Variants in GRIN2A observed in about 807,000 individuals in gnomAD.
The protein encoded by GRIN2A is glutamate receptor ionotropic, NMDA 2A.
GRIN2A carries 22 observed loss-of-function variants against 113.4 expected under a neutral mutation model. The ratio of observed to expected loss-of-function variants is 0.19; its 90% CI spans 0.14 to 0.28. The LOEUF (loss-of-function observed/expected upper bound fraction) is 0.28. Ranked by LOEUF, GRIN2A falls within the 10% of genes least tolerant of loss-of-function variation. The probability of loss-of-function intolerance (pLI) is 1.00; values close to 1 mark genes in which losing one functional copy is unlikely to be tolerated. For synonymous variants in GRIN2A, 827 were observed against 738.4 expected, an observed-to-expected ratio of 1.12 and a Z score of -1.94; for missense variants, 1,502 against 1,887.0, an observed-to-expected ratio of 0.80 and a Z score of 3.78.
intron 2 of GRIN2A, among the ~76,000 whole-genome samples, chr16:10,149,941 C>T (rs909987662): frequency 2.0e-5 from 3 of 152,138 alleles, no homozygotes; most frequent in Admixed American, 1.3e-4. Context: ...GTACAGATCT[C>T]GAACCAGAAC....
intron 8 of GRIN2A, among the ~76,000 whole-genome samples, chr16:9,830,059 C>T (rs1341264638): frequency 6.6e-6 from 1 of 152,180 alleles, no homozygotes; most frequent in Admixed American, 6.5e-5. Context: ...GATGTGCTAT[C>T]GTATAAGAAC....
intron 11 of GRIN2A, among the ~76,000 whole-genome samples, chr16:9,793,068 T>A (rs913106762): frequency 6.6e-6 from 1 of 152,222 alleles, no homozygotes; most frequent in African/African-American, 2.4e-5. Flanking sequence ...TTGCTCATGG[T>A]AAAGCTGAAT....
chr16:10,072,775 C>A (rs1197393546), intron 2 of GRIN2A, among the ~76,000 whole-genome samples: 94 of 151,282 alleles, frequency 6.2e-4, no homozygotes, highest in Non-Finnish European at 5.9e-5. Context: ...TCCCAGGAAT[C>A]CACATATTTA....
intron 2 of GRIN2A, among the ~76,000 whole-genome samples, chr16:10,104,133 A>C (rs2048450290): frequency 6.6e-6 from 1 of 152,218 alleles, no homozygotes; most frequent in Non-Finnish European, 1.5e-5. Flanking sequence ...TTTTTTCTCT[A>C]GGACTAAATA....
intron 2 of GRIN2A, among the ~76,000 whole-genome samples, chr16:10,094,395 G>C (rs532119453): frequency 1.1e-4 from 17 of 152,088 alleles, no homozygotes; most frequent in African/African-American, 3.9e-4. Flanking sequence ...TACATGAGGG[G>C]ATTTTTTTAG....
chr16:10,127,908 G>T (rs534032220), intron 2 of GRIN2A, among the ~76,000 whole-genome samples: 1 of 60,122 alleles, frequency 1.7e-5, no homozygotes, highest in African/African-American at 4.3e-5. Context: ...TTTTTTGCTT[G>T]TGGGGGCCTT....
intron 3 of GRIN2A, among the ~76,000 whole-genome samples, chr16:9,901,973 T>C (rs1281566707): frequency 6.6e-6 from 1 of 152,280 alleles, no homozygotes; most frequent in Non-Finnish European, 1.5e-5. Flanking sequence ...GTGTGCCAGA[T>C]ACTTTCCATA....
intron 2 of GRIN2A, among the ~76,000 whole-genome samples, chr16:10,028,140 G>A (rs1244623432): frequency 6.6e-6 from 1 of 152,230 alleles, no homozygotes; most frequent in African/African-American, 2.4e-5. Flanking sequence ...GTGTTGAGCA[G>A]TAAATAATAT....
intron 2 of GRIN2A, among the ~76,000 whole-genome samples, chr16:10,009,112 G>A (rs10500370): frequency 0.19 from 28,269 of 152,134 alleles, 2,931 homozygotes; most frequent in East Asian, 0.35. Flanking sequence ...CAATTTGCTG[G>A]TAAGTGACCA....
At chr16:10,159,562 G>C (rs2049770645) in intron 2 of GRIN2A, among the ~76,000 whole-genome samples, 1 of 152,172 alleles carries the variant, frequency 6.6e-6, no homozygotes, top group Non-Finnish European at 1.5e-5. Flanking sequence ...TCATCAATGA[G>C]GCTGGAGTGA....
At chr16:10,115,353 T>C (rs1204145894) in intron 2 of GRIN2A, among the ~76,000 whole-genome samples, 1 of 152,148 alleles carries the variant, frequency 6.6e-6, no homozygotes, top group African/African-American at 2.4e-5. Context: ...ATCAACATAG[T>C]ATTTGTATGT....
chr16:10,058,542 G>C (rs985934319), intron 2 of GRIN2A, among the ~76,000 whole-genome samples: 2 of 152,056 alleles, frequency 1.3e-5, no homozygotes, highest in African/African-American at 4.8e-5. Context: ...ATTTCTCTTG[G>C]TGAAAAAAAA....
rs187963027 is a variant in GRIN2A, at chr16:10,022,068, C to G, written c.415-83517G>C. 1.4e-3 allele frequency among the ~76,000 whole-genome samples: 218 copies of G among 152,008 alleles called. 1 individual carries two copies. The highest frequency in any genetic ancestry group is 1.0e-3 in the Non-Finnish European group (70 of 67,950). ...CCCACCTTGACACCTCTAGAAATCT[C>G]TTCCCTCTGTCTAGAATGTCTTTCC... On this transcript the variant is annotated intron_variant, in intron 2 of 12. Transcript: ENST00000330684.
Position 9,994,209 on chromosome 16 carries a change from G to A in GRIN2A, c.415-55658C>T, listed in dbSNP as rs76304881. On this transcript the variant is annotated intron_variant, in intron 2 of 12. Transcript: ENST00000330684. ...GGCTCATTTTTCCAATTTCCAACGC[G>A]AACTGCTGAAGAGGGCCCTGCACCT... is the stretch of plus-strand genomic sequence containing the variant. Among the ~76,000 whole-genome samples the A allele has an allele frequency of 7.0e-3, 1,061 of 152,180 alleles. 15 individuals carry two copies. The highest frequency in any genetic ancestry group is 0.024 in the African/African-American group (1,000 of 41,526).
chr16:9,952,190 C>T lies in GRIN2A; in HGVS notation c.415-13639G>A, dbSNP rs114286348. On this transcript the variant is annotated intron_variant, in intron 2 of 12. Coordinates refer to ENST00000330684, the MANE Select transcript of GRIN2A (RefSeq NM_001134407.3). ...CAGAGCTCAACCCACCCTCAGCATGCTCCAGTAGTGAGAGTTGTGGCCAAA... is the reference window on the plus strand; with the variant it reads ...CAGAGCTCAACCCACCCTCAGCATGTTCCAGTAGTGAGAGTTGTGGCCAAA... Among the ~76,000 whole-genome samples, 399 of 152,280 alleles carry T rather than the reference C, an allele frequency of 2.6e-3. 1 individual carries two copies. The highest frequency in any genetic ancestry group is 9.0e-3 in the African/African-American group (375 of 41,542).
chr16:9,830,338 C>A (rs931503412), intron 8 of GRIN2A, among the ~76,000 whole-genome samples: 7 of 152,136 alleles, frequency 4.6e-5, no homozygotes, highest in African/African-American at 1.7e-4. Context: ...AATAGCTATG[C>A]AGCCCTTTTA....
At chr16:10,009,578 A>C (rs863283) in intron 2 of GRIN2A, among the ~76,000 whole-genome samples, 7 of 151,992 alleles carry the variant, frequency 4.6e-5, no homozygotes. Context: ...GGAGACCTGG[A>C]CAGGATGGGG....
intron 4 of GRIN2A, among the ~76,000 whole-genome samples, chr16:9,870,027 A>AT (rs973960349): frequency 3.3e-5 from 5 of 151,976 alleles, no homozygotes; most frequent in Admixed American, 1.3e-4. Context: ...ATGTATTTGG[A>AT]TTTTTTTTCC....
intron 2 of GRIN2A, among the ~76,000 whole-genome samples, chr16:10,038,870 C>G (rs369965987): frequency 1.3e-5 from 2 of 150,672 alleles, no homozygotes; most frequent in Admixed American, 6.6e-5. Context: ...AAAAACAAAA[C>G]AAAACAAAAA....
Sources: allele counts gnomAD v4.1 joint callset (sites outside exome capture counted in the v4.1 genomes callset), GRCh38; gene constraint gnomAD v4.1.1; transcripts MANE v1.5; gene names NCBI Gene and HGNC (gene_info 2026-07-23, HGNC 2026-07-21).